Variants in UTRN observed in about 807,000 individuals in gnomAD.
The protein encoded by UTRN is utrophin, also known as dystrophin-related protein 1.
UTRN carries 283 observed loss-of-function variants against 463.9 expected under a neutral mutation model. The observed-to-expected ratio is 0.61, with a 90% CI of 0.55 to 0.67. The LOEUF is 0.67. Among genes scored for constraint, UTRN ranks in the 30% least tolerant of loss-of-function variants. The probability of loss-of-function intolerance (pLI) is 0.00; values close to 1 mark genes in which losing one functional copy is unlikely to be tolerated. For synonymous variants in UTRN, 1,442 were observed against 1,431.5 expected (o/e 1.01, Z -0.17); for missense variants, 3,922 against 4,084.3 (o/e 0.96, Z 1.08).
chr6:144,781,918 T>G lies in UTRN; in HGVS notation c.8633-4T>G. ...GTAAACATTCCTTCTTCTCTCCTGG[T>G]TAGTGGATCTCTTAGAGTTGAGTAC... On this transcript the variant is annotated splice_polypyrimidine_tract_variant and splice_region_variant and intron_variant, in intron 60 of 74. Coordinates refer to ENST00000367545, the MANE Select transcript of UTRN (RefSeq NM_007124.3). 3 of 1,612,204 alleles carry G rather than the reference T, an allele frequency of 1.9e-6. No individual in the cohort carries two copies. Among genetic ancestry groups the G allele is most frequent in the Non-Finnish European group, 2.5e-6 (3 of 1,178,572 alleles).
At chr6:144,766,549 C>G (rs987770503) in intron 58 of UTRN, among the ~76,000 whole-genome samples, 2 of 152,040 alleles carry the variant, frequency 1.3e-5, no homozygotes, top group Non-Finnish European at 2.9e-5. Context: ...CAGTGTTTGT[C>G]GTCTCTTATT....
At chr6:144,725,293 C>T (rs1286774343) in intron 53 of UTRN, among the ~76,000 whole-genome samples, 3 of 152,178 alleles carry the variant, frequency 2.0e-5, no homozygotes, top group African/African-American at 7.2e-5. Context: ...GAGGCCTCCC[C>T]AGCCATGGGG....
chr6:144,574,323 T>C (rs1039822232), intron 50 of UTRN, among the ~76,000 whole-genome samples: 1 of 152,134 alleles, frequency 6.6e-6, no homozygotes, highest in Non-Finnish European at 1.5e-5. Context: ...AAACAGAATG[T>C]TAGTATGTAG....
At chr6:144,583,064 T>C (rs1176476216) in intron 51 of UTRN, 2 of 159,100 alleles carry the variant, frequency 1.3e-5, no homozygotes, top group Middle Eastern at 2.9e-3. Context: ...CTACAGGGCA[T>C]GCACCGTGGT....
intron 2 of UTRN, among the ~76,000 whole-genome samples, chr6:144,341,764 A>T (rs1048701292): frequency 6.6e-6 from 1 of 152,366 alleles, no homozygotes; most frequent in Admixed American, 6.5e-5. Context: ...TCAGAATTTC[A>T]TTTCCTTACC....
intron 51 of UTRN, among the ~76,000 whole-genome samples, chr6:144,584,162 A>T (rs557733531): frequency 1.3e-5 from 2 of 152,288 alleles, no homozygotes; most frequent in East Asian, 3.9e-4. Context: ...TTTCACTTGG[A>T]TGGATGAATT....
At chr6:144,384,064 G>A (rs1781180846) in intron 2 of UTRN, among the ~76,000 whole-genome samples, 1 of 152,088 alleles carries the variant, frequency 6.6e-6, no homozygotes. Flanking sequence ...TTTTATTTCA[G>A]TAAAATACAG....
At chr6:144,832,620 A>G (rs1312242913) in intron 69 of UTRN, among the ~76,000 whole-genome samples, 1 of 152,072 alleles carries the variant, frequency 6.6e-6, no homozygotes, top group Non-Finnish European at 1.5e-5. Context: ...TCTTGGAGGA[A>G]CTCTACGCCA....
At chr6:144,445,536 A>G (rs1261648939) in intron 14 of UTRN, among the ~76,000 whole-genome samples, 1 of 151,766 alleles carries the variant, frequency 6.6e-6, no homozygotes, top group African/African-American at 2.4e-5. Context: ...AATTTGTCCA[A>G]ATATAAATTG....
intron 2 of UTRN, among the ~76,000 whole-genome samples, chr6:144,305,740 C>T (rs1220800049): frequency 6.6e-6 from 1 of 152,194 alleles, no homozygotes; most frequent in Non-Finnish European, 1.5e-5. Flanking sequence ...GGACCTTTGC[C>T]TTGACCAGTA....
At chr6:144,614,835 C>T (rs1478061069) in intron 51 of UTRN, among the ~76,000 whole-genome samples, 3 of 152,170 alleles carry the variant, frequency 2.0e-5, no homozygotes, top group East Asian at 3.9e-4. Flanking sequence ...AAGTTGTTCT[C>T]CTCTTAGGAA....
chr6:144,634,426 T>G (rs534962098), intron 51 of UTRN, among the ~76,000 whole-genome samples: 6 of 152,314 alleles, frequency 3.9e-5, no homozygotes, highest in Admixed American at 3.3e-4. Flanking sequence ...TTCCCACAGA[T>G]GCATGGCTGG....
At position 144,539,322 on chromosome 6, in the gene UTRN, C is replaced by A; in HGVS notation, c.6398C>A (p.Ala2133Asp). The A allele has an allele frequency of 6.2e-7, 1 of 1,612,420 alleles. No homozygotes were observed. Among genetic ancestry groups the A allele is most frequent in the South Asian group, 1.1e-5 (1 of 90,730 alleles). The change falls in exon 45 of 75, where the codon GCT (alanine) becomes GAT (aspartate). Residue 2133 changes from alanine to aspartate, a missense_variant. Physicochemically the swap from Ala to Asp is moderately radical, Grantham distance 126. Coordinates refer to ENST00000367545, the MANE Select transcript of UTRN (RefSeq NM_007124.3). ...TTAACTCAAGAAATGGAAGTACATGCTGAAAAACTCAAATGGCTGAATAGA... is the reference window on the plus strand; with the variant it reads ...TTAACTCAAGAAATGGAAGTACATGATGAAAAACTCAAATGGCTGAATAGA... ...RDLTQEMEVH[A>D]EKLKWLNRTE...
At chr6:144,737,541 T>C (rs1789564541) in intron 54 of UTRN, among the ~76,000 whole-genome samples, 2 of 152,220 alleles carry the variant, frequency 1.3e-5, no homozygotes, top group Admixed American at 1.3e-4. Flanking sequence ...ATTTATATTA[T>C]ATTTTAGTAA....
At chr6:144,538,117 G>T (rs147716299) in intron 44 of UTRN, among the ~76,000 whole-genome samples, 1 of 152,124 alleles carries the variant, frequency 6.6e-6, no homozygotes, top group Admixed American at 6.5e-5. Context: ...AGAGTGACTT[G>T]CTGAGGAACA....
chr6:144,669,519 C>G (rs1353057153), intron 51 of UTRN, among the ~76,000 whole-genome samples: 1 of 152,078 alleles, frequency 6.6e-6, no homozygotes, highest in Non-Finnish European at 1.5e-5. Flanking sequence ...ACTCTAAAAA[C>G]AATCAGTGTG....
intron 23 of UTRN, among the ~76,000 whole-genome samples, chr6:144,472,500 G>T (rs541336257): frequency 2.0e-5 from 3 of 152,062 alleles, no homozygotes; most frequent in Non-Finnish European, 4.4e-5. Flanking sequence ...TTAGATCTTT[G>T]TGATCAATTC....
At chr6:144,792,887 T>A (rs115126286) in intron 62 of UTRN, among the ~76,000 whole-genome samples, 2,780 of 152,094 alleles carry the variant, frequency 0.018, 81 homozygotes, top group African/African-American at 0.063. Flanking sequence ...AAACCAAGAG[T>A]GGACAAAATA....
chr6:144,689,145 A>G (rs967713165), intron 52 of UTRN, among the ~76,000 whole-genome samples: 3 of 152,048 alleles, frequency 2.0e-5, no homozygotes, highest in Non-Finnish European at 2.9e-5. Flanking sequence ...CTGTGACTCT[A>G]CCCCTCATGT....
Sources: gnomAD v4.1 joint callset for allele counts (sites outside exome capture counted in the v4.1 genomes callset) on GRCh38, gnomAD v4.1.1 for gene constraint, MANE v1.5 for transcripts, NCBI Gene and HGNC (gene_info 2026-07-23, HGNC 2026-07-21) for gene names.